Variants in GRID2 observed in about 807,000 individuals in gnomAD.
GRID2 encodes glutamate receptor ionotropic, delta-2.
GRID2 carries 33 observed loss-of-function variants against 114.8 expected under a neutral mutation model. That is an observed-to-expected ratio of 0.29 (90% confidence interval 0.22 to 0.38). The LOEUF (loss-of-function observed/expected upper bound fraction) is 0.38, where lower values mean the gene tolerates loss of function less well. Ranked by LOEUF, GRID2 falls within the 10% of genes least tolerant of loss-of-function variation. The pLI is 1.00. For missense variants in GRID2, 1,184 were observed against 1,257.7 expected (o/e 0.94, Z 0.89); for synonymous variants, 505 against 449.9 (o/e 1.12, Z -1.55).
At chr4:93,144,489 G>A (rs1296211424) in intron 4 of GRID2, among the ~76,000 whole-genome samples, 1 of 152,140 alleles carries the variant, frequency 6.6e-6, no homozygotes, top group African/African-American at 2.4e-5. Flanking sequence ...AAGGGCCTTT[G>A]GCTCTACAAA....
At chr4:92,892,469 TGA>T (rs1746861630) in intron 2 of GRID2, among the ~76,000 whole-genome samples, 1 of 152,330 alleles carries the variant, frequency 6.6e-6, no homozygotes, top group South Asian at 2.1e-4. Flanking sequence ...AAATTTGTTC[TGA>T]GAGATATATT....
chr4:93,660,243 T>C (rs1053324477), intron 14 of GRID2, among the ~76,000 whole-genome samples: 1 of 152,152 alleles, frequency 6.6e-6, no homozygotes, highest in Non-Finnish European at 1.5e-5. Context: ...CTCCTATACA[T>C]GTAAAATTAT....
chr4:92,659,560 G>A (rs1732419372), intron 2 of GRID2, among the ~76,000 whole-genome samples: 1 of 151,422 alleles, frequency 6.6e-6, no homozygotes. Context: ...TCATAATACA[G>A]TATTCTTATG....
chr4:92,484,967 C>G (rs116827915), intron 1 of GRID2, among the ~76,000 whole-genome samples: 2,529 of 151,740 alleles, frequency 0.017, 83 homozygotes, highest in African/African-American at 0.058. Context: ...CTTCATGTAG[C>G]GATCTAATCA....
At chr4:92,350,156 A>AT (rs564988711) in intron 1 of GRID2, among the ~76,000 whole-genome samples, 125 of 151,650 alleles carry the variant, frequency 8.2e-4, no homozygotes, top group African/African-American at 2.8e-3. Flanking sequence ...TGTTGAAGTC[A>AT]TTTTTTTTAG....
intron 13 of GRID2, among the ~76,000 whole-genome samples, chr4:93,608,784 G>A (rs1420826505): frequency 2.9e-5 from 4 of 136,840 alleles, no homozygotes; most frequent in Non-Finnish European, 4.9e-5. Context: ...GGGTGCATGT[G>A]TCTTTATAGC....
At chr4:93,438,601 T>A (rs1372492716) in intron 10 of GRID2, among the ~76,000 whole-genome samples, 3 of 152,018 alleles carry the variant, frequency 2.0e-5, no homozygotes, top group Non-Finnish European at 2.9e-5. Context: ...TAGGGAGGAA[T>A]AATGGAATGT....
intron 8 of GRID2, among the ~76,000 whole-genome samples, chr4:93,367,751 G>A (rs1426826024): frequency 6.6e-6 from 1 of 152,104 alleles, no homozygotes; most frequent in East Asian, 1.9e-4. Context: ...ACTGTTAAAG[G>A]AAATATAAGC....
At chr4:93,263,143 T>C (rs1396839811) in intron 8 of GRID2, among the ~76,000 whole-genome samples, 1 of 152,026 alleles carries the variant, frequency 6.6e-6, no homozygotes, top group East Asian at 1.9e-4. Flanking sequence ...GCCTAGTATT[T>C]TTAATCAATT....
chr4:93,350,583 TA>T (rs562340828), intron 8 of GRID2, among the ~76,000 whole-genome samples: 4 of 151,704 alleles, frequency 2.6e-5, no homozygotes, highest in South Asian at 4.2e-4. Context: ...CTATTTTTTT[TA>T]AAAAAAATCC....
At chr4:93,769,753 G>C (rs573080719) in intron 15 of GRID2, among the ~76,000 whole-genome samples, 1 of 152,136 alleles carries the variant, frequency 6.6e-6, no homozygotes, top group South Asian at 2.1e-4. Context: ...ATTTTTAAAG[G>C]CCATGATTCC....
chr4:93,040,852 T>G (rs1470384037), intron 2 of GRID2, among the ~76,000 whole-genome samples: 3 of 152,138 alleles, frequency 2.0e-5, no homozygotes, highest in Non-Finnish European at 2.9e-5. Context: ...GTCGGCGAAT[T>G]TACAAGGAGC....
intron 2 of GRID2, among the ~76,000 whole-genome samples, chr4:92,970,755 G>C (rs74978030): frequency 6.6e-6 from 1 of 151,822 alleles, no homozygotes; most frequent in Admixed American, 6.6e-5. Flanking sequence ...TTTATGTTTA[G>C]TCAGGATCTG....
intron 2 of GRID2, among the ~76,000 whole-genome samples, chr4:92,700,085 G>A (rs970371878): frequency 1.3e-5 from 2 of 152,068 alleles, no homozygotes; most frequent in African/African-American, 4.8e-5. Context: ...GTCTTTTAGT[G>A]TAAAAAATAA....
At chr4:92,803,486 G>C (rs1422495993) in intron 2 of GRID2, among the ~76,000 whole-genome samples, 2 of 151,878 alleles carry the variant, frequency 1.3e-5, no homozygotes, top group East Asian at 3.9e-4. Context: ...CCTAACTGTG[G>C]ATACTCTTCC....
At chr4:93,505,962 CAG>C (rs906611992) in intron 12 of GRID2, among the ~76,000 whole-genome samples, 12 of 152,130 alleles carry the variant, frequency 7.9e-5, no homozygotes, top group African/African-American at 2.9e-4. Flanking sequence ...CATCATTTCA[CAG>C]AGAGTTTAAC....
intron 13 of GRID2, among the ~76,000 whole-genome samples, chr4:93,621,947 A>G (rs959142809): frequency 6.6e-5 from 10 of 152,194 alleles, no homozygotes; most frequent in African/African-American, 2.4e-4. Context: ...TTCACAAAGC[A>G]TTGACAACAA....
intron 2 of GRID2, among the ~76,000 whole-genome samples, chr4:92,649,319 C>T (rs11097346): frequency 0.37 from 54,773 of 147,950 alleles, 10,385 homozygotes; most frequent in East Asian, 0.45. Context: ...GAGAACCAGA[C>T]GAGGCAATGT....
At chr4:93,230,299 T>C (rs548217307) in intron 7 of GRID2, among the ~76,000 whole-genome samples, 21 of 152,054 alleles carry the variant, frequency 1.4e-4, no homozygotes, top group African/African-American at 5.1e-4. Flanking sequence ...AATTACTGGT[T>C]CTCTTGTATT....
Sources: allele counts gnomAD v4.1 joint callset (sites outside exome capture counted in the v4.1 genomes callset), GRCh38; gene constraint gnomAD v4.1.1; transcripts MANE v1.5; gene names NCBI Gene and HGNC (gene_info 2026-07-23, HGNC 2026-07-21).